Variants in LINGO1 observed in about 807,000 individuals in gnomAD.
LINGO1 encodes the protein leucine-rich repeat and immunoglobulin-like domain-containing nogo receptor-interacting protein 1.
A neutral mutation model predicts 37.3 loss-of-function variants in LINGO1; 11 were observed. The ratio of observed to expected loss-of-function variants is 0.29; its 90% CI spans 0.19 to 0.49. The LOEUF is 0.49. LINGO1 is among the 20% of genes least tolerant of loss of function. The probability of loss-of-function intolerance (pLI) is 0.99; values close to 1 mark genes in which losing one functional copy is unlikely to be tolerated. For synonymous variants in LINGO1, 387 were observed against 403.0 expected (o/e 0.96, Z 0.48); for missense variants, 585 against 878.2 (o/e 0.67, Z 4.22).
chr15:77,806,152 C>A (rs1209472868), intron 1 of LINGO1, among the ~76,000 whole-genome samples: 1 of 152,224 alleles, frequency 6.6e-6, no homozygotes, highest in East Asian at 1.9e-4. Flanking sequence ...TGAGTGCCAC[C>A]TGACCACGGA....
chr15:77,730,002 C>T (rs1296927348), intron 2 of LINGO1, among the ~76,000 whole-genome samples: 1 of 152,168 alleles, frequency 6.6e-6, no homozygotes, highest in Non-Finnish European at 1.5e-5. Context: ...GGCAAATCCC[C>T]TCCGTCCCCC....
chr15:77,663,178 C>T lies in LINGO1; in HGVS notation c.-13+13911G>A, dbSNP rs76818021. Among the ~76,000 whole-genome samples, 1,225 of 152,320 alleles carry T rather than the reference C, an allele frequency of 8.0e-3. 53 individuals are homozygous for T. In the East Asian group the frequency reaches 0.11, roughly 14 times the overall value. On this transcript the variant is annotated intron_variant, in intron 3 of 3. Transcript: ENST00000559893. ...TCCTGCATTCAGTAAACATTCCCCACGCATGGCCATGCCCTGGTAGAAGGA... is the reference window on the plus strand; with the variant it reads ...TCCTGCATTCAGTAAACATTCCCCATGCATGGCCATGCCCTGGTAGAAGGA...
intron 1 of LINGO1, among the ~76,000 whole-genome samples, chr15:77,760,916 C>CT (rs34524098): frequency 0.018 from 1,713 of 96,344 alleles, 266 homozygotes; most frequent in African/African-American, 0.032. Context: ...TAATAAGTAT[C>CT]TTTTTTTTTT....
chr15:77,676,122 G>A (rs532635545), intron 3 of LINGO1, among the ~76,000 whole-genome samples: 2 of 152,350 alleles, frequency 1.3e-5, no homozygotes, highest in African/African-American at 4.8e-5. Flanking sequence ...CAGACCCCAG[G>A]TCTCTGTCCT....
intron 3 of LINGO1, chr15:77,647,988 TC>T: frequency 2.2e-6 from 1 of 453,238 alleles, no homozygotes; most frequent in Admixed American, 2.4e-5. Flanking sequence ...CTTGCCTCCT[TC>T]TTTCCTCCCT....
intron 2 of LINGO1, among the ~76,000 whole-genome samples, chr15:77,715,895 C>T (rs924085013): frequency 3.9e-5 from 6 of 152,328 alleles, no homozygotes; most frequent in East Asian, 3.9e-4. Flanking sequence ...TCCACTGGCA[C>T]GCTGTGCACA....
chr15:77,664,157 G>A (rs1371836766), intron 3 of LINGO1, among the ~76,000 whole-genome samples: 2 of 140,004 alleles, frequency 1.4e-5, no homozygotes, highest in Admixed American at 1.4e-4. Context: ...GTGTGTGTGT[G>A]TGTGTGTGTG....
At chr15:77,818,726 C>A (rs1348246154) in intron 1 of LINGO1, among the ~76,000 whole-genome samples, 2 of 152,118 alleles carry the variant, frequency 1.3e-5, no homozygotes, top group Admixed American at 6.5e-5. Flanking sequence ...GGGAGCTGTC[C>A]CCGCGCGGTC....
chr15:77,758,746 G>C (rs1332683343), intron 1 of LINGO1, among the ~76,000 whole-genome samples: 2 of 152,116 alleles, frequency 1.3e-5, no homozygotes, highest in Non-Finnish European at 2.9e-5. Flanking sequence ...CCTATATGGG[G>C]GTTTTGGGGG....
At chr15:77,659,984 T>C (rs1387318045) in intron 3 of LINGO1, 4 of 152,224 alleles carry the variant, frequency 2.6e-5, no homozygotes, top group African/African-American at 9.6e-5. Context: ...CACATTCTTC[T>C]GTTTAAAATA....
upstream of LINGO1, among the ~76,000 whole-genome samples, chr15:77,787,593 C>T (rs956275974): frequency 1.8e-4 from 27 of 152,060 alleles, no homozygotes; most frequent in African/African-American, 6.0e-4. Flanking sequence ...GAACAGTCCC[C>T]TCCTCTTTGC....
At chr15:77,708,302 C>T (rs914516294) in intron 2 of LINGO1, among the ~76,000 whole-genome samples, 2 of 152,094 alleles carry the variant, frequency 1.3e-5, no homozygotes, top group Non-Finnish European at 2.9e-5. Context: ...CACCAGCAGC[C>T]CAGTGTGCCC....
At chr15:77,700,376 G>A (rs2075766936), upstream of LINGO1, among the ~76,000 whole-genome samples, 1 of 152,238 alleles carries the variant, frequency 6.6e-6, no homozygotes, top group African/African-American at 2.4e-5. Context: ...TTTCAACTGT[G>A]TGGGCCTCAC....
intron 2 of LINGO1, among the ~76,000 whole-genome samples, chr15:77,705,744 G>T (rs896739443): frequency 6.6e-6 from 1 of 152,256 alleles, no homozygotes; most frequent in African/African-American, 2.4e-5. Flanking sequence ...GTGCCAAGGG[G>T]CTGAGCTGTT....
At chr15:77,701,931 T>C (rs2075788722) in intron 2 of LINGO1, among the ~76,000 whole-genome samples, 1 of 152,136 alleles carries the variant, frequency 6.6e-6, no homozygotes, top group East Asian at 1.9e-4. Flanking sequence ...AGAGCTTGCA[T>C]GGGGCCAGGA....
intron 1 of LINGO1, among the ~76,000 whole-genome samples, chr15:77,745,636 A>G (rs958074916): frequency 2.0e-4 from 30 of 152,146 alleles, no homozygotes; most frequent in Admixed American, 1.7e-3. Context: ...ACCCACATGC[A>G]TTGGGACCCT....
chr15:77,771,533 A>C (rs2076585596), intron 1 of LINGO1, among the ~76,000 whole-genome samples: 1 of 152,202 alleles, frequency 6.6e-6, no homozygotes. Context: ...CTGAATCCCC[A>C]GCCCTAGGAT....
At chr15:77,773,102 A>G (rs2076602367) in intron 1 of LINGO1, among the ~76,000 whole-genome samples, 3 of 152,184 alleles carry the variant, frequency 2.0e-5, no homozygotes, top group Admixed American at 2.0e-4. Flanking sequence ...GTGGCTGTGG[A>G]AAGGCCAGAG....
At chr15:77,705,703 C>T (rs758686989) in intron 2 of LINGO1, among the ~76,000 whole-genome samples, 40 of 152,378 alleles carry the variant, frequency 2.6e-4, no homozygotes, top group Non-Finnish European at 4.1e-4. Context: ...GGCTGAACAA[C>T]GGGATATTCT....
Sources: gnomAD v4.1 joint callset for allele counts (sites outside exome capture counted in the v4.1 genomes callset) on GRCh38, gnomAD v4.1.1 for gene constraint, MANE v1.5 for transcripts, NCBI Gene and HGNC (gene_info 2026-07-23, HGNC 2026-07-21) for gene names.